The following RNF111 variants were observed in gnomAD, a reference collection of about 807,000 sequenced individuals.
RNF111 encodes ring finger protein 111.
A neutral mutation model predicts 95.1 loss-of-function variants in RNF111; 17 were observed. That is an observed-to-expected ratio of 0.18 (90% CI 0.12 to 0.27). The LOEUF is 0.27. Ranked by LOEUF, RNF111 falls within the 10% of genes least tolerant of loss-of-function variation. The pLI, the probability that RNF111 is intolerant of heterozygous loss-of-function variation, is 1.00. For missense variants in RNF111, 1,189 were observed against 1,210.4 expected, an observed-to-expected ratio of 0.98 and a Z score of 0.26; for synonymous variants, 440 against 414.8, an observed-to-expected ratio of 1.06 and a Z score of -0.74.
Position 59,055,863 on chromosome 15 carries a change from C to T in RNF111, c.1171+18C>T, listed in dbSNP as rs767341181. The T allele has an allele frequency of 9.5e-6, 15 of 1,572,632 alleles. No homozygotes were observed. The highest frequency in any genetic ancestry group is 1.3e-5 in the Non-Finnish European group (15 of 1,154,844). On this transcript the variant is annotated intron_variant, in intron 4 of 13. Coordinates refer to ENST00000348370, the MANE Select transcript of RNF111 (RefSeq NM_017610.8). ...TGAAGATGGTAAATTGAAGTAGTAA[C>T]AGTAGAAAATTATGAAAGGAGTTTG...
chr15:59,000,915 C>G (rs537032426), intron 1 of RNF111, among the ~76,000 whole-genome samples: 6 of 152,174 alleles, frequency 3.9e-5, no homozygotes, highest in African/African-American at 1.4e-4. Flanking sequence ...GAAATCTGCT[C>G]TGGTGGGGAA....
chr15:58,993,444 A>G (rs2141370015), intron 1 of RNF111, among the ~76,000 whole-genome samples: 1 of 152,238 alleles, frequency 6.6e-6, no homozygotes, highest in Non-Finnish European at 1.5e-5. Flanking sequence ...AGGCTGAGAC[A>G]GGAGAATTGC....
intron 1 of RNF111, among the ~76,000 whole-genome samples, chr15:58,997,925 A>G (rs1596029235): frequency 6.6e-6 from 1 of 151,000 alleles, no homozygotes; most frequent in Admixed American, 6.6e-5. Flanking sequence ...TTTTTTTTGA[A>G]GCTGAGTCTC....
chr15:59,085,289 A>G (rs1053414781), intron 9 of RNF111, among the ~76,000 whole-genome samples: 19 of 152,360 alleles, frequency 1.2e-4, no homozygotes, highest in Admixed American at 7.8e-4. Context: ...CTAGCAAACA[A>G]AAACCCAGAG....
rs575677735 is a variant in RNF111, at chr15:59,037,025, CAG to C, written c.880+5324_880+5325del. 3.4e-3 allele frequency among the ~76,000 whole-genome samples: 504 copies of C among 149,136 alleles called. 2 individuals carry two copies. The highest frequency in any genetic ancestry group is 0.02 in the South Asian group (95 of 4,696). Reference sequence around the variant, plus strand: ...ATTTTTTTTTTTTTTTTGGTAGAGACAGGGTTTTGTCATGTTGCCTAGGCTGG... The same window carrying C: ...ATTTTTTTTTTTTTTTTGGTAGAGACGGTTTTGTCATGTTGCCTAGGCTGG... On this transcript the variant is annotated intron_variant, in intron 2 of 13. Coordinates refer to ENST00000348370, the MANE Select transcript of RNF111 (RefSeq NM_017610.8).
intron 2 of RNF111, among the ~76,000 whole-genome samples, chr15:59,041,961 ATTTTTT>A (rs79347638): frequency 7.0e-5 from 7 of 100,098 alleles, no homozygotes; most frequent in Non-Finnish European, 1.0e-4. Flanking sequence ...GTCTGTTCAT[ATTTTTT>A]TTTTTTTTTT....
chr15:59,095,207 G>GTAA lies in RNF111; in HGVS notation c.*307_*308insTAA, dbSNP rs753560165. On this transcript the variant is annotated 3_prime_UTR_variant, in exon 14 of 14. Transcript: ENST00000348370. ...CTTGTGACCCTAAACTTGCAGGCAA[G>GTAA]GTTAGCTGCTTTAGTAAGTAGAATT... The GTAA allele has an allele frequency of 1.9e-5, 5 of 267,918 alleles. No homozygotes were observed. Among genetic ancestry groups the GTAA allele is most frequent in the Admixed American group, 1.6e-4 (3 of 18,354 alleles). 16.6% of individuals were successfully genotyped at this position (267,918 alleles called of 1,614,324 possible).
intron 1 of RNF111, among the ~76,000 whole-genome samples, chr15:59,021,626 G>T (rs77177655): frequency 1.3e-5 from 2 of 152,046 alleles, no homozygotes; most frequent in African/African-American, 4.8e-5. Flanking sequence ...TATGAGGTAA[G>T]TACTATTATT....
At chr15:59,064,730 T>C (rs368709420) in intron 5 of RNF111, among the ~76,000 whole-genome samples, 33 of 152,036 alleles carry the variant, frequency 2.2e-4, no homozygotes, top group African/African-American at 5.5e-4. Flanking sequence ...TTAGCCCCCA[T>C]AGGCCAGACT....
intron 2 of RNF111, among the ~76,000 whole-genome samples, chr15:59,034,026 T>G (rs56304637): frequency 0.064 from 9,791 of 152,254 alleles, 1,102 homozygotes; most frequent in African/African-American, 0.22. Context: ...AAAGTTTATC[T>G]CTTCTTCAGA....
intron 2 of RNF111, among the ~76,000 whole-genome samples, chr15:59,042,125 AT>A (rs376873248): frequency 0.035 from 5,223 of 150,964 alleles, 139 homozygotes; most frequent in Non-Finnish European, 0.054. Context: ...TTTATGCCAA[AT>A]TTTTTTTTCT....
chr15:58,998,832 A>G (rs2039199312), intron 1 of RNF111, among the ~76,000 whole-genome samples: 1 of 152,226 alleles, frequency 6.6e-6, no homozygotes, highest in Admixed American at 6.5e-5. Context: ...TTATTTTTTT[A>G]CTGTTACATA....
intron 1 of RNF111, among the ~76,000 whole-genome samples, chr15:58,996,649 CTT>C (rs60350601): frequency 1.3e-3 from 131 of 100,748 alleles, no homozygotes; most frequent in African/African-American, 4.9e-3. Flanking sequence ...TCAGTACTTT[CTT>C]TTTTTTTTTT....
At chr15:58,998,529 G>A (rs1050629131) in intron 1 of RNF111, among the ~76,000 whole-genome samples, 1 of 152,138 alleles carries the variant, frequency 6.6e-6, no homozygotes, top group African/African-American at 2.4e-5. Flanking sequence ...AAAAGAACTT[G>A]TTTGATTTAG....
intron 11 of RNF111, among the ~76,000 whole-genome samples, chr15:59,090,510 G>T (rs956313887): frequency 6.6e-6 from 1 of 152,152 alleles, no homozygotes; most frequent in African/African-American, 2.4e-5. Flanking sequence ...GATTACAGGC[G>T]CAAGCCACCG....
intron 1 of RNF111, among the ~76,000 whole-genome samples, chr15:59,009,515 T>G (rs573126465): frequency 6.6e-6 from 1 of 150,818 alleles, no homozygotes; most frequent in East Asian, 2.0e-4. Context: ...AGAAAAAGTC[T>G]TTAGAATTTG....
In RNF111 at chr15:59,096,415, CTT is replaced by C. The variant is rs1267859097; in HGVS notation, c.*1516_*1517del. 5 of 216,548 alleles carry C rather than the reference CTT, an allele frequency of 2.3e-5. No homozygotes were observed. The highest frequency in any genetic ancestry group is 9.8e-5 in the East Asian group (1 of 10,234). The allele number at this position is 216,548 out of a possible 1,614,324, so 13.4% of individuals were successfully genotyped here. On this transcript the variant is annotated 3_prime_UTR_variant, in exon 14 of 14. Coordinates refer to ENST00000348370, the MANE Select transcript of RNF111 (RefSeq NM_017610.8). ...TGTAAGTGGATTGATTAATAAATAA[CTT>C]ATATTTCTATTGTCTTTGTGTTTCA...
At chr15:59,089,971 GA>G (rs1227006575) in intron 11 of RNF111, among the ~76,000 whole-genome samples, 1 of 152,062 alleles carries the variant, frequency 6.6e-6, no homozygotes, top group African/African-American at 2.4e-5. Flanking sequence ...ATGAGTAAAT[GA>G]AAATATCTAA....
chr15:59,033,992 CAATT>C (rs1162768104), intron 2 of RNF111, among the ~76,000 whole-genome samples: 1 of 152,044 alleles, frequency 6.6e-6, no homozygotes, highest in Non-Finnish European at 1.5e-5. Context: ...TTAAAAGTAT[CAATT>C]AAGTATAAAA....
Sources: allele counts gnomAD v4.1 joint callset (sites outside exome capture counted in the v4.1 genomes callset), GRCh38; gene constraint gnomAD v4.1.1; transcripts MANE v1.5; gene names NCBI Gene and HGNC (gene_info 2026-07-23, HGNC 2026-07-21).